DYTN: variants seen among roughly 807,000 people sequenced by gnomAD.
DYTN encodes dystrotelin.
DYTN carries 75 observed loss-of-function variants against 69.6 expected under a neutral mutation model. The ratio of observed to expected loss-of-function variants is 1.08; its 90% CI spans 0.89 to 1.31. The LOEUF is 1.31. DYTN is among the 50% of genes most tolerant of loss of function. DYTN has a pLI of 0.00. For missense variants in DYTN, 726 were observed against 688.4 expected (o/e 1.05, Z -0.61); for synonymous variants, 252 against 249.1 (o/e 1.01, Z -0.11).
chr2:206,700,977 T>C (rs1387223716), intron 5 of DYTN: 2 of 152,238 alleles, frequency 1.3e-5, no homozygotes, highest in African/African-American at 4.8e-5. Context: ...TTCCATGGTG[T>C]ATATGTGCCA....
chr2:206,663,719 G>C (rs1321630852), intron 10 of DYTN, among the ~76,000 whole-genome samples: 1 of 152,136 alleles, frequency 6.6e-6, no homozygotes, highest in Non-Finnish European at 1.5e-5. Flanking sequence ...ATGTTGAATT[G>C]ACAGATAAAA....
intron 5 of DYTN, 54 bp from the exon 6 acceptor site, chr2:206,700,270 C>T (rs1559315862): frequency 6.2e-7 from 1 of 1,603,452 alleles, no homozygotes. Flanking sequence ...TATGTCGTCT[C>T]CGGGAGCAGC....
intron 9 of DYTN, among the ~76,000 whole-genome samples, chr2:206,667,903 C>T (rs762811966): frequency 4.6e-5 from 7 of 152,116 alleles, no homozygotes; most frequent in African/African-American, 7.2e-5. Flanking sequence ...TTAGAACCTG[C>T]GAAATTCCTA....
intron 11 of DYTN, among the ~76,000 whole-genome samples, chr2:206,662,413 C>T (rs1165301811): frequency 2.0e-5 from 3 of 152,030 alleles, no homozygotes; most frequent in African/African-American, 7.2e-5. Flanking sequence ...GCAGTAACTA[C>T]AGTAAAGAAG....
rs775028898 is a variant in DYTN, at chr2:206,704,876, C to A, written c.450G>T (p.Arg150Ser). 3.1e-6 allele frequency: 5 copies of A among 1,613,556 alleles called. No homozygotes were observed. In the East Asian group the frequency reaches 8.9e-5, roughly 29 times the overall value. ...GYDSGPRMTR[R>S]VLRKLLTDLQ... ...GATCTGTTAGTAGTTTTCTCAAAACCCTTCGAGTCATGCGTGGCCCAGAAT... is the reference window on the plus strand; with the variant it reads ...GATCTGTTAGTAGTTTTCTCAAAACACTTCGAGTCATGCGTGGCCCAGAAT... The change falls in exon 5 of 12, where the codon AGG (arginine) becomes AGT (serine). Residue 150 changes from arginine (R) to serine (S), a missense_variant. Transcript: ENST00000452335.
At chr2:206,655,556 C>T (rs1179949872) in intron 11 of DYTN, among the ~76,000 whole-genome samples, 10 of 151,668 alleles carry the variant, frequency 6.6e-5, no homozygotes, top group South Asian at 6.3e-4. Context: ...ACTGCAGGCA[C>T]GTACCAACAC....
chr2:206,662,631 A>T (rs1699525002), intron 11 of DYTN, among the ~76,000 whole-genome samples: 1 of 151,862 alleles, frequency 6.6e-6, no homozygotes, highest in Admixed American at 6.6e-5. Flanking sequence ...ATTTTGCAAT[A>T]ACAAAATAAT....
At chr2:206,712,777 G>T (rs1013943458) in intron 1 of DYTN, among the ~76,000 whole-genome samples, 2 of 152,198 alleles carry the variant, frequency 1.3e-5, no homozygotes, top group Non-Finnish European at 2.9e-5. Flanking sequence ...TTCCATGGGG[G>T]CATGTGGCCC....
intron 2 of DYTN, among the ~76,000 whole-genome samples, 169 bp from the exon 3 acceptor site, chr2:206,707,672 C>T (rs10490747): frequency 4.6e-5 from 7 of 151,860 alleles, no homozygotes; most frequent in Non-Finnish European, 8.8e-5. Flanking sequence ...CTTGTGTATA[C>T]TTCAGGCGTT....
Position 206,651,682 on chromosome 2 carries a change from T to A in DYTN, c.*136A>T. ...TAAGATACATAAGTAGGGAGGGAGA[T>A]CAAAAAACAAAACCTGTTTTCTTCA... On this transcript the variant is annotated 3_prime_UTR_variant, in exon 12 of 12. Coordinates refer to ENST00000452335, the MANE Select transcript of DYTN (RefSeq NM_001093730.1). 2 of 758,616 alleles carry A rather than the reference T, an allele frequency of 2.6e-6. No individual in the cohort carries two copies. The highest frequency in any genetic ancestry group is 4.2e-6 in the Non-Finnish European group (2 of 471,706). The allele number at this position is 758,616 out of a possible 1,614,324, so 47.0% of individuals were successfully genotyped here. A position where few individuals can be genotyped will look rare whatever the true frequency, so the allele number is the denominator to read the frequency against.
chr2:206,654,835 A>G (rs1449194480), intron 11 of DYTN, among the ~76,000 whole-genome samples: 1 of 152,186 alleles, frequency 6.6e-6, no homozygotes, highest in Non-Finnish European at 1.5e-5. Context: ...ATGGTTCTAG[A>G]TGGGGAAAAA....
intron 11 of DYTN, among the ~76,000 whole-genome samples, chr2:206,655,740 ACC>A (rs1170727735): frequency 6.6e-6 from 1 of 151,886 alleles, no homozygotes; most frequent in Non-Finnish European, 1.5e-5. Context: ...TTCTTCCTTG[ACC>A]CACTGGTTGT....
intron 7 of DYTN, among the ~76,000 whole-genome samples, chr2:206,697,017 A>G (rs1452595714): frequency 3.9e-5 from 6 of 152,236 alleles, no homozygotes; most frequent in Admixed American, 6.5e-5. Flanking sequence ...GTTGTTCAAC[A>G]TACATAAATG....
intron 11 of DYTN, among the ~76,000 whole-genome samples, chr2:206,652,926 C>T (rs1699404361): frequency 6.6e-6 from 1 of 152,068 alleles, no homozygotes. Flanking sequence ...TACAGTATTA[C>T]ATTATTTGTG....
intron 8 of DYTN, among the ~76,000 whole-genome samples, chr2:206,693,538 T>A (rs1458626756): frequency 2.6e-5 from 4 of 152,120 alleles, no homozygotes; most frequent in Non-Finnish European, 1.5e-5. Flanking sequence ...ACCCCCTCAA[T>A]AAGTCCTCTT....
In DYTN at chr2:206,651,916, C is replaced by G; in HGVS notation, c.1639G>C (p.Glu547Gln). 2.5e-6 allele frequency: 4 copies of G among 1,611,456 alleles called. No individual in the cohort carries two copies. The highest frequency in any genetic ancestry group is 3.4e-6 in the Non-Finnish European group (4 of 1,178,522). ...AFNLETPSGP[E>Q]SSVNMDLYSG... ...TACAGGTCCATGTTTACTGAAGACT[C>G]CGGGCCTGAAATCAACAAACAAGAG... The change falls in exon 12 of 12, where the codon GAG becomes CAG. Residue 547 changes from glutamate (E) to glutamine (Q), a missense_variant. By Grantham distance (29) the Glu-to-Gln change is conservative. Coordinates refer to ENST00000452335, the MANE Select transcript of DYTN (RefSeq NM_001093730.1).
chr2:206,704,826 A>T lies in DYTN; in HGVS notation c.483+17T>A. 2 of 1,603,394 alleles carry T rather than the reference A, an allele frequency of 1.2e-6. No homozygotes were observed. The highest frequency in any genetic ancestry group is 2.2e-5 in the South Asian group (2 of 89,872). ...TAACTGAAACAAATGTACAGTTCTTAAGTATTAGGAATTTACCTGCTGTAG... is the reference window on the plus strand; with the variant it reads ...TAACTGAAACAAATGTACAGTTCTTTAGTATTAGGAATTTACCTGCTGTAG... On this transcript the variant is annotated intron_variant, in intron 5 of 11. Transcript: ENST00000452335.
At chr2:206,677,851 C>A (rs1022845257) in intron 9 of DYTN, among the ~76,000 whole-genome samples, 1 of 151,932 alleles carries the variant, frequency 6.6e-6, no homozygotes, top group Non-Finnish European at 1.5e-5. Context: ...ATTAGCTGGG[C>A]GTGATGCGGG....
intron 11 of DYTN, among the ~76,000 whole-genome samples, chr2:206,654,228 A>G (rs1452125807): frequency 6.6e-6 from 1 of 152,160 alleles, no homozygotes; most frequent in Non-Finnish European, 1.5e-5. Flanking sequence ...GAATCCTCGG[A>G]CAACATGAAT....
Sources: allele counts gnomAD v4.1 joint callset (sites outside exome capture counted in the v4.1 genomes callset), GRCh38; gene constraint gnomAD v4.1.1; transcripts MANE v1.5; gene names NCBI Gene and HGNC (gene_info 2026-07-23, HGNC 2026-07-21).